Variants in PTPRD observed in about 807,000 individuals in gnomAD.
PTPRD encodes the protein protein tyrosine phosphatase receptor type D.
PTPRD carries 34 observed loss-of-function variants against 214.5 expected under a neutral mutation model. The ratio of observed to expected loss-of-function variants is 0.16; its 90% CI spans 0.12 to 0.21. The LOEUF is 0.21. PTPRD is among the 10% of genes least tolerant of loss of function. The pLI, the probability that PTPRD is intolerant of heterozygous loss-of-function variation, is 1.00. For synonymous variants in PTPRD, 1,128 were observed against 845.7 expected (o/e 1.33, Z -5.79); for missense variants, 2,545 against 2,398.7 (o/e 1.06, Z -1.27).
chr9:8,703,717 A>G (rs924434655), intron 12 of PTPRD, among the ~76,000 whole-genome samples: 12 of 152,118 alleles, frequency 7.9e-5, no homozygotes, highest in African/African-American at 2.9e-4. Flanking sequence ...GATTTTGTCT[A>G]ATCCCGTGGC....
chr9:9,183,451 T>A (rs539416977), intron 9 of PTPRD, 88 bp from the exon 10 acceptor site: 194 of 152,142 alleles, frequency 1.3e-3, no homozygotes, highest in African/African-American at 4.5e-3. Flanking sequence ...ACCCCATTTT[T>A]TAGTGGGGAT....
chr9:10,426,310 T>C (rs1003931010), intron 2 of PTPRD, among the ~76,000 whole-genome samples: 4 of 152,152 alleles, frequency 2.6e-5, no homozygotes, highest in African/African-American at 9.6e-5. Context: ...TGCTCTGAGT[T>C]ACTTTTTTTT....
chr9:9,367,749 A>G (rs1355201015), intron 9 of PTPRD, among the ~76,000 whole-genome samples: 1 of 151,760 alleles, frequency 6.6e-6, no homozygotes, highest in Non-Finnish European at 1.5e-5. Flanking sequence ...TCACAGGCTC[A>G]CATATTATAT....
chr9:9,450,100 G>GTT, intron 8 of PTPRD, among the ~76,000 whole-genome samples: 1 of 71,156 alleles, frequency 1.4e-5, no homozygotes, highest in Middle Eastern at 0.01. Flanking sequence ...TCCATGGTGT[G>GTT]TGTGTGTGTG....
intron 9 of PTPRD, among the ~76,000 whole-genome samples, chr9:9,306,771 T>C (rs1044054348): frequency 4.6e-5 from 7 of 152,074 alleles, no homozygotes; most frequent in African/African-American, 1.7e-4. Flanking sequence ...GGAGCCAAAT[T>C]TCTAACTTTG....
intron 2 of PTPRD, among the ~76,000 whole-genome samples, chr9:10,509,167 A>C (rs2133673820): frequency 6.6e-6 from 1 of 152,180 alleles, no homozygotes; most frequent in South Asian, 2.1e-4. Flanking sequence ...ACTTATATGA[A>C]GATCCATAGG....
chr9:10,199,738 G>A (rs1403733256), intron 3 of PTPRD, among the ~76,000 whole-genome samples: 3 of 151,844 alleles, frequency 2.0e-5, no homozygotes, highest in Non-Finnish European at 4.4e-5. Flanking sequence ...ACCCACCCAA[G>A]TCTGATTCCA....
Position 10,516,870 on chromosome 9 carries a change from G to C in PTPRD, c.-600+95528C>G, listed in dbSNP as rs1054862312. On this transcript the variant is annotated intron_variant, in intron 2 of 45. Transcript: ENST00000381196. Reference sequence around the variant, plus strand: ...TGTATGCTTGGTAACCTTGTGAAAGGTCAGTTGACCAATCATGCGTGCTTT... The same window carrying C: ...TGTATGCTTGGTAACCTTGTGAAAGCTCAGTTGACCAATCATGCGTGCTTT... Among the ~76,000 whole-genome samples, 3 of 151,828 alleles carry C rather than the reference G, an allele frequency of 2.0e-5. No homozygotes were observed. In the South Asian group the frequency reaches 6.2e-4, roughly 31 times the overall value.
At chr9:9,766,654 A>G (rs559173134) in intron 6 of PTPRD, among the ~76,000 whole-genome samples, 156 bp downstream of exon 6, 1 of 152,248 alleles carries the variant, frequency 6.6e-6, no homozygotes, top group East Asian at 1.9e-4. Context: ...CAGAATTCTA[A>G]TTCTGATGTT....
chr9:9,937,702 T>G (rs974168419), intron 5 of PTPRD, among the ~76,000 whole-genome samples: 1 of 152,160 alleles, frequency 6.6e-6, no homozygotes, highest in African/African-American at 2.4e-5. Flanking sequence ...TGAGTTTATC[T>G]TCTTTACTAT....
intron 9 of PTPRD, among the ~76,000 whole-genome samples, chr9:9,360,780 T>C (rs1302062453): frequency 6.6e-6 from 1 of 151,150 alleles, no homozygotes; most frequent in Non-Finnish European, 1.5e-5. Flanking sequence ...TTTTTAATAA[T>C]AGATACATTC....
intron 7 of PTPRD, among the ~76,000 whole-genome samples, chr9:9,594,454 GT>G (rs1592481780): frequency 6.6e-6 from 1 of 151,962 alleles, no homozygotes; most frequent in African/African-American, 2.4e-5. Flanking sequence ...TTTGCATAAG[GT>G]GAGAGATGAG....
At chr9:8,917,114 T>TTTCTTC (rs542752335) in intron 11 of PTPRD, among the ~76,000 whole-genome samples, 1 of 149,608 alleles carries the variant, frequency 6.7e-6, no homozygotes, top group Non-Finnish European at 1.5e-5. Flanking sequence ...TAATAGATTA[T>TTTCTTC]TTCTTCTTCT....
intron 11 of PTPRD, among the ~76,000 whole-genome samples, chr9:8,859,573 C>T (rs1298541682): frequency 2.0e-5 from 3 of 152,108 alleles, no homozygotes; most frequent in Non-Finnish European, 2.9e-5. Context: ...CTGCAGACTC[C>T]GGGCTGTCTT....
chr9:9,909,819 T>C (rs1478397638), intron 5 of PTPRD, among the ~76,000 whole-genome samples: 1 of 151,824 alleles, frequency 6.6e-6, no homozygotes, highest in Non-Finnish European at 1.5e-5. Context: ...CTAGACCTGA[T>C]TCAACATCTG....
intron 8 of PTPRD, among the ~76,000 whole-genome samples, chr9:9,545,960 T>A (rs2078699097): frequency 6.6e-6 from 1 of 151,950 alleles, no homozygotes; most frequent in Middle Eastern, 3.4e-3. Context: ...ATTTTTTTTA[T>A]TCTATCAGGG....
At chr9:10,473,704 T>C (rs950415149) in intron 2 of PTPRD, among the ~76,000 whole-genome samples, 6 of 152,054 alleles carry the variant, frequency 3.9e-5, no homozygotes, top group African/African-American at 1.4e-4. Context: ...AATAAATAAA[T>C]GAAAGTGTTC....
intron 24 of PTPRD, among the ~76,000 whole-genome samples, 196 bp downstream of exon 24, chr9:8,500,558 G>GAAAAAAAAAAAAAAAAAAA (rs146807692): frequency 1.4e-4 from 2 of 14,316 alleles, no homozygotes; most frequent in Non-Finnish European, 2.3e-4. Flanking sequence ...TGAAAAAAAT[G>GAAAAAAAAAAAAAAAAAAA]AAAAAAAAAA....
At chr9:9,228,903 T>C (rs140314409) in intron 9 of PTPRD, among the ~76,000 whole-genome samples, 27 of 152,258 alleles carry the variant, frequency 1.8e-4, no homozygotes, top group African/African-American at 6.0e-4. Flanking sequence ...TTAAAAAGTA[T>C]GTGAAGTGTA....
Sources: gnomAD v4.1 joint callset for allele counts (sites outside exome capture counted in the v4.1 genomes callset) on GRCh38, gnomAD v4.1.1 for gene constraint, MANE v1.5 for transcripts, NCBI Gene and HGNC (gene_info 2026-07-23, HGNC 2026-07-21) for gene names.